CELF2: variants seen among roughly 807,000 people sequenced by gnomAD.
CELF2 encodes the protein CUGBP Elav-like family member 2, also known as CUG triplet repeat RNA-binding protein 2.
In CELF2, 8 loss-of-function variants were observed where a neutral mutation model predicts 62.6. That is an observed-to-expected ratio of 0.13 (90% CI 0.07 to 0.23). CELF2 has a LOEUF of 0.23. Ranked by LOEUF, CELF2 falls within the 10% of genes least tolerant of loss-of-function variation. The probability of loss-of-function intolerance (pLI) is 1.00; values close to 1 mark genes in which losing one functional copy is unlikely to be tolerated. For synonymous variants in CELF2, 258 were observed against 250.0 expected, an observed-to-expected ratio of 1.03 and a Z score of -0.30; for missense variants, 333 against 671.0, an observed-to-expected ratio of 0.50 and a Z score of 5.56.
chr10:10,958,408 T>A (rs1489675687), intron 2 of CELF2, among the ~76,000 whole-genome samples: 2 of 152,106 alleles, frequency 1.3e-5, no homozygotes, highest in African/African-American at 2.4e-5. Flanking sequence ...CTGCCCAAGA[T>A]ATTTTGCACC....
chr10:11,043,063 A>G (rs1182905258), intron 1 of CELF2, among the ~76,000 whole-genome samples: 1 of 152,224 alleles, frequency 6.6e-6, no homozygotes, highest in Non-Finnish European at 1.5e-5. Flanking sequence ...GTCATGCAAT[A>G]GTTTTTGAGG....
chr10:10,505,371 A>G, the CELF2 span, among the ~76,000 whole-genome samples: 1 of 152,116 alleles, frequency 6.6e-6, no homozygotes, highest in Non-Finnish European at 1.5e-5. Flanking sequence ...CACTGACACC[A>G]TGGTGAGGGT....
At chr10:10,616,691 CGTGT>C in the CELF2 span, among the ~76,000 whole-genome samples, 1,289 of 134,472 alleles carry the variant, frequency 9.6e-3, 14 homozygotes, top group African/African-American at 0.022. Flanking sequence ...TGTGTGTGTG[CGTGT>C]GTGTGTGTGT....
chr10:10,820,814 G>A (rs922826645), intron 1 of CELF2, among the ~76,000 whole-genome samples: 18 of 152,158 alleles, frequency 1.2e-4, no homozygotes, highest in Admixed American at 4.6e-4. Flanking sequence ...TAAGAGCAAT[G>A]GAAACCATTT....
intron 1 of CELF2, among the ~76,000 whole-genome samples, chr10:11,103,737 A>AT (rs1156383071): frequency 6.6e-6 from 1 of 152,120 alleles, no homozygotes; most frequent in Non-Finnish European, 1.5e-5. Context: ...TTGAGTTCTG[A>AT]TTACTGGTTC....
At chr10:11,187,552 G>T (rs749420555) in intron 2 of CELF2, among the ~76,000 whole-genome samples, 1 of 141,424 alleles carries the variant, frequency 7.1e-6, no homozygotes, top group Non-Finnish European at 1.5e-5. Context: ...TTTGGTTTAG[G>T]TCTCTAATCT....
intron 2 of CELF2, among the ~76,000 whole-genome samples, chr10:10,952,671 G>T (rs1183746367): frequency 6.8e-6 from 1 of 146,938 alleles, no homozygotes; most frequent in Non-Finnish European, 1.5e-5. Context: ...GTATGAGATG[G>T]TCCAAAAAAA....
intron 8 of CELF2, among the ~76,000 whole-genome samples, chr10:11,282,405 G>C (rs543110243): frequency 1.1e-4 from 16 of 152,306 alleles, no homozygotes; most frequent in African/African-American, 3.1e-4. Context: ...ACCTCTTCAT[G>C]CCCGTTTCCT....
chr10:10,620,344 G>T, the CELF2 span, among the ~76,000 whole-genome samples: 1 of 151,530 alleles, frequency 6.6e-6, no homozygotes, highest in Non-Finnish European at 1.5e-5. Flanking sequence ...ACGTGAGGCT[G>T]AGGCAGGAGA....
intron 1 of CELF2, among the ~76,000 whole-genome samples, chr10:10,866,806 G>C (rs1038933361): frequency 4.7e-5 from 7 of 149,678 alleles, no homozygotes; most frequent in African/African-American, 1.7e-4. Flanking sequence ...TATAATCCCA[G>C]CTACCCGGGA....
At position 11,149,637 on chromosome 10, in the gene CELF2, C is replaced by T. The variant is rs554906123; in HGVS notation, c.75-15849C>T. ...GTGTTCCTCTTACTGCTGCATCTCC[C>T]GTGCTCTGCTCTCACTGACTTTCTT... On this transcript the variant is annotated intron_variant, in intron 1 of 12. Coordinates refer to ENST00000633077, the MANE Select transcript of CELF2 (RefSeq NM_001326342.2). Among the ~76,000 whole-genome samples the T allele has an allele frequency of 6.2e-4, 95 of 152,312 alleles. 2 individuals carry two copies. The highest frequency in any genetic ancestry group is 2.2e-3 in the African/African-American group (92 of 41,574).
chr10:10,543,645 G>C, the CELF2 span, among the ~76,000 whole-genome samples: 4 of 152,112 alleles, frequency 2.6e-5, no homozygotes, highest in Non-Finnish European at 4.4e-5. Flanking sequence ...TCAGGAGTTT[G>C]AGACCAGCCT....
chr10:10,521,157 T>C, the CELF2 span, among the ~76,000 whole-genome samples: 1 of 152,168 alleles, frequency 6.6e-6, no homozygotes, highest in Admixed American at 6.5e-5. Flanking sequence ...AGGTATCCCC[T>C]GCTGTGTGAT....
At chr10:10,826,984 C>T (rs1185146910) in intron 1 of CELF2, among the ~76,000 whole-genome samples, 4 of 152,118 alleles carry the variant, frequency 2.6e-5, no homozygotes, top group Admixed American at 1.3e-4. Context: ...GACTTCCTTC[C>T]CTGGGATCTT....
intron 2 of CELF2, among the ~76,000 whole-genome samples, chr10:10,963,051 T>G (rs370633590): frequency 7.3e-6 from 1 of 137,392 alleles, no homozygotes; most frequent in African/African-American, 2.8e-5. Context: ...TTTGTTTTGT[T>G]TTGTTTTGTG....
intron 1 of CELF2, among the ~76,000 whole-genome samples, chr10:11,111,426 T>C (rs1475995694): frequency 2.0e-5 from 3 of 152,218 alleles, no homozygotes; most frequent in Admixed American, 2.0e-4. Context: ...AGAAAAAGCT[T>C]AGTTTTTCTT....
chr10:10,588,384 T>G, the CELF2 span, among the ~76,000 whole-genome samples: 2 of 152,174 alleles, frequency 1.3e-5, no homozygotes, highest in Non-Finnish European at 2.9e-5. Flanking sequence ...CCTAAAGCTG[T>G]CACTTACTCC....
chr10:10,756,154 A>G, the CELF2 span, among the ~76,000 whole-genome samples: 3 of 152,232 alleles, frequency 2.0e-5, no homozygotes, highest in Non-Finnish European at 4.4e-5. Flanking sequence ...TACAGGAAAC[A>G]TGGTGGCCCG....
intron 2 of CELF2, among the ~76,000 whole-genome samples, chr10:10,940,713 G>C (rs1016125454): frequency 6.6e-6 from 1 of 152,192 alleles, no homozygotes; most frequent in African/African-American, 2.4e-5. Context: ...GTTGTAACCT[G>C]AGAGTGTGTC....
Sources: allele counts gnomAD v4.1 joint callset (sites outside exome capture counted in the v4.1 genomes callset), GRCh38; gene constraint gnomAD v4.1.1; transcripts MANE v1.5; gene names NCBI Gene and HGNC (gene_info 2026-07-23, HGNC 2026-07-21).